GRM7: variants seen among roughly 807,000 people sequenced by gnomAD.
The protein encoded by GRM7 is metabotropic glutamate receptor 7.
GRM7 carries 35 observed loss-of-function variants against 84.5 expected under a neutral mutation model. The ratio of observed to expected loss-of-function variants is 0.41; its 90% confidence interval spans 0.32 to 0.55. GRM7 has a LOEUF of 0.55. GRM7 is among the 20% of genes least tolerant of loss of function. GRM7 has a pLI of 0.19. For missense variants in GRM7, 1,003 were observed against 1,194.6 expected, an observed-to-expected ratio of 0.84 and a Z score of 2.36; for synonymous variants, 487 against 455.1, an observed-to-expected ratio of 1.07 and a Z score of -0.89.
At chr3:7,627,858 G>T (rs1697686323) in intron 8 of GRM7, among the ~76,000 whole-genome samples, 1 of 152,138 alleles carries the variant, frequency 6.6e-6, no homozygotes, top group African/African-American at 2.4e-5. Flanking sequence ...AAGGCTACCA[G>T]TTATATTAGA....
intron 2 of GRM7, among the ~76,000 whole-genome samples, chr3:7,147,034 A>C (rs1454553769): frequency 6.6e-6 from 1 of 152,178 alleles, no homozygotes; most frequent in Non-Finnish European, 1.5e-5. Context: ...TCCAAAATGG[A>C]GAGAATAATT....
intron 1 of GRM7, among the ~76,000 whole-genome samples, chr3:7,022,478 C>T (rs1456625928): frequency 6.6e-6 from 1 of 151,784 alleles, no homozygotes; most frequent in Non-Finnish European, 1.5e-5. Context: ...TACTGACTAT[C>T]TCATAGGGTG....
At chr3:7,463,882 G>A (rs1868615) in intron 7 of GRM7, among the ~76,000 whole-genome samples, 2 of 152,178 alleles carry the variant, frequency 1.3e-5, no homozygotes, top group Admixed American at 6.5e-5. Flanking sequence ...ACTAAGCAAG[G>A]AAGTGAGGGA....
At chr3:7,557,010 A>G (rs1693795667) in intron 7 of GRM7, among the ~76,000 whole-genome samples, 1 of 152,186 alleles carries the variant, frequency 6.6e-6, no homozygotes, top group South Asian at 2.1e-4. Flanking sequence ...TTAACTTATG[A>G]GCAATGAAAA....
At chr3:7,711,506 A>T (rs1320241454) in intron 9 of GRM7, among the ~76,000 whole-genome samples, 1 of 152,196 alleles carries the variant, frequency 6.6e-6, no homozygotes, top group Non-Finnish European at 1.5e-5. Context: ...AGAAGAATTC[A>T]GTCTCTGTTT....
chr3:6,993,304 G>A (rs1368390707), intron 1 of GRM7, among the ~76,000 whole-genome samples: 1 of 152,118 alleles, frequency 6.6e-6, no homozygotes, highest in Non-Finnish European at 1.5e-5. Context: ...GATTTGGGTG[G>A]GGACACAGCC....
intron 1 of GRM7, among the ~76,000 whole-genome samples, chr3:7,141,152 GTAAT>G (rs1468054288): frequency 1.3e-5 from 2 of 151,912 alleles, no homozygotes; most frequent in African/African-American, 2.4e-5. Flanking sequence ...TCTAGCTGAA[GTAAT>G]TAGAAAACTA....
chr3:7,128,799 C>T (rs1044763783), intron 1 of GRM7, among the ~76,000 whole-genome samples: 3 of 151,876 alleles, frequency 2.0e-5, no homozygotes, highest in Admixed American at 2.0e-4. Context: ...TAAGCCACCA[C>T]ACCTGACCCA....
chr3:6,895,613 A>T (rs1696149595), intron 1 of GRM7, among the ~76,000 whole-genome samples: 1 of 152,190 alleles, frequency 6.6e-6, no homozygotes, highest in Non-Finnish European at 1.5e-5. Flanking sequence ...GATACCAAAG[A>T]CCACAATTTT....
intron 8 of GRM7, among the ~76,000 whole-genome samples, chr3:7,662,284 T>A (rs1278718114): frequency 6.6e-6 from 1 of 152,188 alleles, no homozygotes; most frequent in East Asian, 1.9e-4. Context: ...AAGGAACTTT[T>A]GGAGGTGATG....
chr3:7,618,980 A>T (rs144144874), intron 8 of GRM7, among the ~76,000 whole-genome samples: 1 of 152,296 alleles, frequency 6.6e-6, no homozygotes, highest in African/African-American at 2.4e-5. Flanking sequence ...ATTTATTTTC[A>T]GAAAATAGTT....
chr3:7,380,656 A>C (rs1694552981), intron 4 of GRM7, among the ~76,000 whole-genome samples: 1 of 152,192 alleles, frequency 6.6e-6, no homozygotes. Flanking sequence ...AGGCCCTCCT[A>C]GCCTACCAGG....
At chr3:7,130,035 G>C (rs1244588625) in intron 1 of GRM7, among the ~76,000 whole-genome samples, 1 of 152,092 alleles carries the variant, frequency 6.6e-6, no homozygotes, top group Non-Finnish European at 1.5e-5. Context: ...TAACTCTATG[G>C]CCATGTGGCT....
chr3:6,938,868 C>T (rs1328194146), intron 1 of GRM7, among the ~76,000 whole-genome samples: 1 of 152,106 alleles, frequency 6.6e-6, no homozygotes, highest in Admixed American at 6.6e-5. Flanking sequence ...ACATCTGAAC[C>T]CCAAAACTTG....
chr3:7,090,775 C>T (rs919634668), intron 1 of GRM7, among the ~76,000 whole-genome samples: 2 of 151,524 alleles, frequency 1.3e-5, no homozygotes, highest in African/African-American at 4.9e-5. Flanking sequence ...AGCAGAAACT[C>T]GAAAATTTAG....
chr3:7,310,988 C>T (rs1298640458), intron 4 of GRM7, among the ~76,000 whole-genome samples: 1 of 152,128 alleles, frequency 6.6e-6, no homozygotes, highest in Non-Finnish European at 1.5e-5. Context: ...CATCTCATCC[C>T]CTCAGGTGTG....
rs567192551 is a variant in GRM7, at chr3:7,416,376, A to G, written c.1174+1213A>G. Among the ~76,000 whole-genome samples, 372 of 152,230 alleles carry G rather than the reference A, an allele frequency of 2.4e-3. 3 individuals carry two copies. The highest frequency in any genetic ancestry group is 8.5e-3 in the African/African-American group (352 of 41,544). On this transcript the variant is annotated intron_variant, in intron 5 of 9. Coordinates refer to ENST00000357716, the MANE Select transcript of GRM7 (RefSeq NM_000844.4). ...AGGTATACTAATGTAATAAGGCTAA[A>G]TGTTTTATATATGATCAAGAAAGAC...
intron 2 of GRM7, among the ~76,000 whole-genome samples, chr3:7,166,177 C>T (rs1366550936): frequency 3.9e-5 from 6 of 152,044 alleles, no homozygotes; most frequent in South Asian, 2.1e-4. Flanking sequence ...GTACTTGAGC[C>T]GGTATTTAAA....
chr3:7,489,099 A>G (rs1699428746), intron 7 of GRM7, among the ~76,000 whole-genome samples: 1 of 152,158 alleles, frequency 6.6e-6, no homozygotes, highest in Non-Finnish European at 1.5e-5. Flanking sequence ...AGGGAGATAC[A>G]TCTACCCTCC....
Sources: allele counts gnomAD v4.1 joint callset (sites outside exome capture counted in the v4.1 genomes callset), GRCh38; gene constraint gnomAD v4.1.1; transcripts MANE v1.5; gene names NCBI Gene and HGNC (gene_info 2026-07-23, HGNC 2026-07-21).